DIAPH3: variants seen among roughly 807,000 people sequenced by gnomAD.
DIAPH3 encodes protein diaphanous homolog 3.
Under a neutral mutation model 144.3 loss-of-function variants are expected in DIAPH3, and 117 were observed. The ratio of observed to expected loss-of-function variants is 0.81; its 90% confidence interval spans 0.70 to 0.95. DIAPH3 has a LOEUF of 0.95. Ranked by LOEUF, DIAPH3 falls within the 40% of genes least tolerant of loss-of-function variation. DIAPH3 has a pLI of 0.00. For missense variants in DIAPH3, 1,421 were observed against 1,412.7 expected (o/e 1.01, Z -0.09); for synonymous variants, 519 against 488.9 (o/e 1.06, Z -0.81).
chr13:59,912,113 C>T (rs1426572537), intron 19 of DIAPH3, among the ~76,000 whole-genome samples: 1 of 152,078 alleles, frequency 6.6e-6, no homozygotes, highest in Non-Finnish European at 1.5e-5. Flanking sequence ...GAGAACTCAA[C>T]CTATACCAAA....
chr13:59,893,838 C>G (rs1475558873), intron 20 of DIAPH3, among the ~76,000 whole-genome samples: 1 of 152,046 alleles, frequency 6.6e-6, no homozygotes, highest in Admixed American at 6.6e-5. Context: ...TGCGATTTTA[C>G]AATTCTTGTT....
At chr13:59,690,791 T>C (rs1374256490) in intron 27 of DIAPH3, among the ~76,000 whole-genome samples, 1 of 152,194 alleles carries the variant, frequency 6.6e-6, no homozygotes, top group African/African-American at 2.4e-5. Flanking sequence ...GATTGCCTAC[T>C]ATGCATCTAC....
At chr13:59,703,552 T>C (rs934089172) in intron 27 of DIAPH3, among the ~76,000 whole-genome samples, 4 of 152,220 alleles carry the variant, frequency 2.6e-5, no homozygotes, top group Admixed American at 6.5e-5. Flanking sequence ...CACTAAATTC[T>C]TAATTTTATA....
At position 60,105,365 on chromosome 13, in the gene DIAPH3, A is replaced by G. The variant is rs149001054; in HGVS notation, c.390+6645T>C. 2.1e-3 allele frequency among the ~76,000 whole-genome samples: 322 copies of G among 152,248 alleles called. 3 individuals are homozygous for G. The highest frequency in any genetic ancestry group is 7.5e-3 in the African/African-American group (311 of 41,554). On this transcript the variant is annotated intron_variant, in intron 3 of 27. Coordinates refer to ENST00000400324, the MANE Select transcript of DIAPH3 (RefSeq NM_001042517.2). The stretch of plus-strand genomic sequence containing the variant: ...TGGCAAAACAGCATGCTGAAATATT[A>G]CCATAACATTTACCCCTTTAAAATT...
At chr13:59,761,764 G>C (rs1217627288) in intron 27 of DIAPH3, among the ~76,000 whole-genome samples, 1 of 152,008 alleles carries the variant, frequency 6.6e-6, no homozygotes, top group Non-Finnish European at 1.5e-5. Context: ...TTCCTCTTTA[G>C]GTTTATATAT....
chr13:59,730,188 G>A (rs926397598), intron 27 of DIAPH3, among the ~76,000 whole-genome samples: 1 of 152,118 alleles, frequency 6.6e-6, no homozygotes, highest in Non-Finnish European at 1.5e-5. Context: ...TAGACATCAC[G>A]TGGCTGAACT....
At chr13:59,861,686 C>T (rs2043599859) in intron 21 of DIAPH3, 150 bp from the exon 22 acceptor site, 3 of 833,876 alleles carry the variant, frequency 3.6e-6, no homozygotes, top group Non-Finnish European at 5.6e-6. Flanking sequence ...TATTTAAATA[C>T]TCGAAAAACT....
At position 60,074,750 on chromosome 13, in the gene DIAPH3, T is replaced by C. The variant is rs187250197; in HGVS notation, c.495+18878A>G. On this transcript the variant is annotated intron_variant, in intron 4 of 27. Transcript: ENST00000400324. ...ACTCACAATGTCTTTAAACAAAAATTGGTTCATACTATACATATGCTTTTT... is the reference window on the plus strand; with the variant it reads ...ACTCACAATGTCTTTAAACAAAAATCGGTTCATACTATACATATGCTTTTT... Among the ~76,000 whole-genome samples, 2 of 152,180 alleles carry C rather than the reference T, an allele frequency of 1.3e-5. 1 individual carries two copies. The highest frequency in any genetic ancestry group is 4.1e-4 in the South Asian group (2 of 4,830).
chr13:59,745,226 G>A (rs1474433425), intron 27 of DIAPH3, among the ~76,000 whole-genome samples: 1 of 152,180 alleles, frequency 6.6e-6, no homozygotes, highest in Non-Finnish European at 1.5e-5. Flanking sequence ...AGAGAAGGGA[G>A]ATGGACTAAA....
At chr13:59,901,456 C>T (rs1259051803) in intron 20 of DIAPH3, among the ~76,000 whole-genome samples, 1 of 152,162 alleles carries the variant, frequency 6.6e-6, no homozygotes, top group Non-Finnish European at 1.5e-5. Flanking sequence ...TCAACTCTTA[C>T]CTCTTCAGAA....
chr13:59,768,716 G>A (rs2037975806), intron 27 of DIAPH3, among the ~76,000 whole-genome samples: 1 of 152,164 alleles, frequency 6.6e-6, no homozygotes, highest in African/African-American at 2.4e-5. Context: ...TCAAATCAGA[G>A]TGGCAGAGCA....
At position 60,163,770 on chromosome 13, in the gene DIAPH3, T is replaced by G. The variant is rs1326516347; in HGVS notation, c.-4A>C. On this transcript the variant is annotated 5_prime_UTR_variant, in exon 1 of 28. Coordinates refer to ENST00000400324, the MANE Select transcript of DIAPH3 (RefSeq NM_001042517.2). Reference sequence around the variant, plus strand: ...GCCGCGGCTGGTGCCGTTCCATCTTTCCCCGCAGCTCCGGGGACCGGAAAG... The same window carrying G: ...GCCGCGGCTGGTGCCGTTCCATCTTGCCCCGCAGCTCCGGGGACCGGAAAG... 1.3e-6 allele frequency: 2 copies of G among 1,567,496 alleles called. No individual in the cohort carries two copies. The highest frequency in any genetic ancestry group is 1.9e-5 in the Admixed American group (1 of 52,970).
chr13:59,676,229 T>C (rs1566171666), intron 27 of DIAPH3, among the ~76,000 whole-genome samples: 1 of 152,222 alleles, frequency 6.6e-6, no homozygotes, highest in African/African-American at 2.4e-5. Flanking sequence ...CAAGTAGCTA[T>C]CCAGACTCAG....
chr13:59,867,333 T>C (rs1566438170), intron 21 of DIAPH3, among the ~76,000 whole-genome samples: 2 of 151,390 alleles, frequency 1.3e-5, no homozygotes, highest in African/African-American at 4.8e-5. Context: ...CTAAGGTGCT[T>C]ATGCCACTGC....
intron 20 of DIAPH3, among the ~76,000 whole-genome samples, chr13:59,898,134 C>CAAAAAAAAAACA (rs2046227534): frequency 1.4e-5 from 1 of 72,196 alleles, no homozygotes; most frequent in Non-Finnish European, 2.4e-5. Flanking sequence ...GACTCTGCCT[C>CAAAAAAAAAACA]AAAAAAAAAA....
intron 27 of DIAPH3, among the ~76,000 whole-genome samples, chr13:59,726,843 A>G (rs1226180921): frequency 4.6e-5 from 7 of 152,238 alleles, no homozygotes; most frequent in African/African-American, 1.7e-4. Flanking sequence ...ATGTAAATAC[A>G]AACACATTAA....
intron 27 of DIAPH3, among the ~76,000 whole-genome samples, chr13:59,675,134 T>C (rs2138606191): frequency 6.6e-6 from 1 of 152,300 alleles, no homozygotes; most frequent in East Asian, 1.9e-4. Flanking sequence ...GGTGCCATGA[T>C]GGCTCATTGT....
At chr13:60,034,894 T>C (rs546953390) in intron 5 of DIAPH3, 2 of 152,204 alleles carry the variant, frequency 1.3e-5, no homozygotes, top group Non-Finnish European at 2.9e-5. Flanking sequence ...CTCGTAGTTA[T>C]ATGAAACTGC....
chr13:59,883,868 C>G (rs11842023), intron 20 of DIAPH3, among the ~76,000 whole-genome samples: 2,231 of 152,308 alleles, frequency 0.015, 64 homozygotes, highest in East Asian at 0.096. Context: ...TGCCTGCCAC[C>G]TGTACTATCT....
Sources: gnomAD v4.1 joint callset for allele counts (sites outside exome capture counted in the v4.1 genomes callset) on GRCh38, gnomAD v4.1.1 for gene constraint, MANE v1.5 for transcripts, NCBI Gene and HGNC (gene_info 2026-07-23, HGNC 2026-07-21) for gene names.